The following WDR41 variants were observed in gnomAD, a reference collection of about 807,000 sequenced individuals.
The protein encoded by WDR41 is WD repeat domain 41.
WDR41 carries 63 observed loss-of-function variants against 69.3 expected under a neutral mutation model. The ratio of observed to expected loss-of-function variants is 0.91; its 90% CI spans 0.74 to 1.12. The LOEUF is 1.12. Ranked by LOEUF, WDR41 falls within the 50% of genes most tolerant of loss-of-function variation. The pLI, the probability that WDR41 is intolerant of heterozygous loss-of-function variation, is 0.00. For synonymous variants in WDR41, 185 were observed against 192.1 expected, an observed-to-expected ratio of 0.96 and a Z score of 0.31; for missense variants, 543 against 534.5, an observed-to-expected ratio of 1.02 and a Z score of -0.16.
chr5:77,599,197 C>CTTTTTTTTTTTTTTTTTTTTTTTTTTT (rs34759217), intron 1 of WDR41, among the ~76,000 whole-genome samples: 1 of 76,186 alleles, frequency 1.3e-5, no homozygotes, highest in Non-Finnish European at 2.4e-5. Flanking sequence ...ATCGGAAGCT[C>CTTTTTTTTTTTTTTTTTTTTTTTTTTT]TTTTTTTTTT....
At chr5:77,557,244 G>T (rs1305509182) in intron 1 of WDR41, among the ~76,000 whole-genome samples, 1 of 152,080 alleles carries the variant, frequency 6.6e-6, no homozygotes, top group Admixed American at 6.5e-5. Context: ...GTATATTAAA[G>T]TTAAAAACTT....
chr5:77,476,940 A>ACG (rs1486314067), intron 2 of WDR41, among the ~76,000 whole-genome samples: 90 of 145,766 alleles, frequency 6.2e-4, no homozygotes, highest in African/African-American at 2.2e-3. Context: ...TCTCACGTGC[A>ACG]GAGACACACA....
chr5:77,506,262 A>AT (rs1802105103), intron 1 of WDR41, among the ~76,000 whole-genome samples: 1 of 152,244 alleles, frequency 6.6e-6, no homozygotes, highest in Non-Finnish European at 1.5e-5. Context: ...GAAGACATTT[A>AT]TGCAGCCAAA....
chr5:77,486,982 C>T (rs1050165915), intron 2 of WDR41, among the ~76,000 whole-genome samples: 5 of 152,172 alleles, frequency 3.3e-5, no homozygotes, highest in African/African-American at 1.2e-4. Context: ...TATGTGAGCA[C>T]CACTGTGGGG....
At chr5:77,539,656 C>T (rs1481881806) in intron 1 of WDR41, among the ~76,000 whole-genome samples, 1 of 152,178 alleles carries the variant, frequency 6.6e-6, no homozygotes, top group Non-Finnish European at 1.5e-5. Context: ...CTTAATCTCT[C>T]TAAGCCTCTG....
chr5:77,464,727 T>G, intron 3 of WDR41, 34 bp downstream of exon 3: 1 of 1,607,054 alleles, frequency 6.2e-7, no homozygotes, highest in Non-Finnish European at 8.5e-7. Context: ...TCATCATATC[T>G]TTATCACACA....
intron 1 of WDR41, among the ~76,000 whole-genome samples, chr5:77,553,820 T>C (rs1316201553): frequency 2.0e-5 from 3 of 152,162 alleles, no homozygotes; most frequent in Non-Finnish European, 4.4e-5. Context: ...GAGAAACTGG[T>C]TCACTCATAC....
intron 1 of WDR41, among the ~76,000 whole-genome samples, chr5:77,541,342 C>A (rs986097696): frequency 1.3e-5 from 2 of 151,826 alleles, no homozygotes; most frequent in Non-Finnish European, 2.9e-5. Flanking sequence ...AGTCAACAAA[C>A]ATGAAAAAAA....
intron 2 of WDR41, among the ~76,000 whole-genome samples, chr5:77,466,896 T>C (rs1474131292): frequency 6.6e-6 from 1 of 151,684 alleles, no homozygotes; most frequent in Non-Finnish European, 1.5e-5. Flanking sequence ...AGTATAACTT[T>C]GACACATATT....
intron 2 of WDR41, among the ~76,000 whole-genome samples, chr5:77,476,323 C>A (rs372345026): frequency 6.6e-6 from 1 of 150,956 alleles, no homozygotes; most frequent in African/African-American, 2.4e-5. Flanking sequence ...ATACAGAGAA[C>A]GCCACAAAGA....
chr5:77,478,117 TA>T (rs1801038866), intron 2 of WDR41, among the ~76,000 whole-genome samples: 1 of 152,118 alleles, frequency 6.6e-6, no homozygotes, highest in East Asian at 1.9e-4. Context: ...CTCCCAAGAC[TA>T]AACCAGGAAG....
intron 6 of WDR41, 137 bp downstream of exon 6, chr5:77,453,680 T>C (rs575042892): frequency 1.1e-5 from 7 of 649,872 alleles, no homozygotes; most frequent in African/African-American, 9.1e-5. Context: ...GAATTGAATA[T>C]GGCTACCTGT....
At chr5:77,485,780 G>A (rs1801491155) in intron 2 of WDR41, among the ~76,000 whole-genome samples, 1 of 152,006 alleles carries the variant, frequency 6.6e-6, no homozygotes, top group Non-Finnish European at 1.5e-5. Context: ...TGTCTGTTAG[G>A]TTATACAGGA....
chr5:77,529,819 T>C (rs1310526594), intron 1 of WDR41, among the ~76,000 whole-genome samples: 1 of 151,694 alleles, frequency 6.6e-6, no homozygotes, highest in African/African-American at 2.4e-5. Flanking sequence ...TATATTCATA[T>C]GGAAAAAATA....
In WDR41 at chr5:77,463,095, A is replaced by G. The variant is rs763805150; in HGVS notation, c.348T>C (p.Ile116=). ...TCATTTCTTCCAGATTAAAGGATAC[A>G]ATAACTGTTCTATCAGCAGAGGCTG... is the stretch of plus-strand genomic sequence containing the variant. The part of the protein sequence containing the change: ...ILTASADRTV[I]VWDGDTTRQV... Residue 116 remains isoleucine (I), a splice_region_variant and synonymous_variant, in exon 4 of 13, where the codon ATT becomes ATC. Coordinates refer to ENST00000296679, the MANE Select transcript of WDR41 (RefSeq NM_018268.4). 8 of 1,611,584 alleles carry G rather than the reference A, an allele frequency of 5.0e-6. No homozygotes were observed. Among genetic ancestry groups the G allele is most frequent in the Non-Finnish European group, 6.8e-6 (8 of 1,178,960 alleles).
At chr5:77,436,097 C>T (rs1022480060) in intron 12 of WDR41, among the ~76,000 whole-genome samples, 164 bp downstream of exon 12, 42 of 144,744 alleles carry the variant, frequency 2.9e-4, no homozygotes, top group African/African-American at 1.1e-3. Flanking sequence ...GAAAGGGAGA[C>T]CCTAACTGCA....
Position 77,442,910 on chromosome 5 carries a change from A to AAAAAAAAAAAAG in WDR41, c.698-1914_698-1913insCTTTTTTTTTTT, listed in dbSNP as rs1200754365. Among the ~76,000 whole-genome samples the AAAAAAAAAAAAG allele has an allele frequency of 5.6e-4, 83 of 148,216 alleles. 2 individuals are homozygous for AAAAAAAAAAAAG. The highest frequency in any genetic ancestry group is 1.9e-3 in the African/African-American group (75 of 39,420). On this transcript the variant is annotated intron_variant, in intron 8 of 12. Coordinates refer to ENST00000296679, the MANE Select transcript of WDR41 (RefSeq NM_018268.4). ...CTGTCTCCCCAAAAAAAAAAAAAAAAAAAGGATTTTTTTCCATTTTACATA... is the reference window on the plus strand; with the variant it reads ...CTGTCTCCCCAAAAAAAAAAAAAAAAAAAAAAAAAAAGAAAGGATTTTTTTCCATTTTACATA...
At chr5:77,586,298 TTATG>T (rs1446256564) in intron 1 of WDR41, among the ~76,000 whole-genome samples, 5 of 120,450 alleles carry the variant, frequency 4.2e-5, no homozygotes, top group Non-Finnish European at 7.5e-5. Context: ...ATTTATTTAT[TTATG>T]TATTTATTTA....
chr5:77,605,628 G>T (rs1245340039), intron 1 of WDR41, among the ~76,000 whole-genome samples: 1 of 152,188 alleles, frequency 6.6e-6, no homozygotes, highest in Non-Finnish European at 1.5e-5. Context: ...GCTCAGATAG[G>T]ACTGGTTGAT....
Sources: gnomAD v4.1 joint callset for allele counts (sites outside exome capture counted in the v4.1 genomes callset) on GRCh38, gnomAD v4.1.1 for gene constraint, MANE v1.5 for transcripts, NCBI Gene and HGNC (gene_info 2026-07-23, HGNC 2026-07-21) for gene names.